SUMF1: variants seen among roughly 807,000 people sequenced by gnomAD.
SUMF1 encodes formylglycine-generating enzyme.
SUMF1 carries 48 observed loss-of-function variants against 47.6 expected under a neutral mutation model. That is an observed-to-expected ratio of 1.01 (90% confidence interval 0.80 to 1.28). The LOEUF is 1.28. Among genes scored for constraint, SUMF1 ranks in the 50% most tolerant of loss-of-function variants. The probability of loss-of-function intolerance (pLI) is 0.00; values close to 1 mark genes in which losing one functional copy is unlikely to be tolerated. For synonymous variants in SUMF1, 230 were observed against 192.1 expected (o/e 1.20, Z -1.63); for missense variants, 571 against 485.4 (o/e 1.18, Z -1.66).
chr3:4,092,711 T>A (rs1692814972), intron 8 of SUMF1, among the ~76,000 whole-genome samples: 1 of 152,112 alleles, frequency 6.6e-6, no homozygotes, highest in African/African-American at 2.4e-5. Flanking sequence ...GTAGTGTGTG[T>A]GTATATCGGG....
intron 8 of SUMF1, among the ~76,000 whole-genome samples, chr3:4,187,359 A>T (rs2125138965): frequency 6.6e-6 from 1 of 152,244 alleles, no homozygotes; most frequent in Non-Finnish European, 1.5e-5. Context: ...ACAGAGTGAG[A>T]CCCTGTCTAT....
At chr3:4,254,449 G>A (rs1387917809) in intron 8 of SUMF1, among the ~76,000 whole-genome samples, 2 of 150,418 alleles carry the variant, frequency 1.3e-5, no homozygotes, top group Non-Finnish European at 1.5e-5. Context: ...ACCAAGGCTC[G>A]AGAACTACGT....
chr3:4,151,283 T>A (rs1455186607), intron 8 of SUMF1, among the ~76,000 whole-genome samples: 1 of 149,180 alleles, frequency 6.7e-6, no homozygotes, highest in Non-Finnish European at 1.5e-5. Flanking sequence ...TTTATACATG[T>A]AAATATGGAG....
intron 8 of SUMF1, among the ~76,000 whole-genome samples, chr3:4,125,617 C>T (rs1693638523): frequency 6.6e-6 from 1 of 152,174 alleles, no homozygotes; most frequent in Non-Finnish European, 1.5e-5. Context: ...TTGTAACAGA[C>T]ATCTGTAACT....
In SUMF1 at chr3:4,298,439, G is replaced by T. The variant is rs189199588; in HGVS notation, c.1014+77891C>A. Among the ~76,000 whole-genome samples, 348 of 152,194 alleles carry T rather than the reference G, an allele frequency of 2.3e-3. 5 individuals carry two copies. Among genetic ancestry groups the T allele is most frequent in the Middle Eastern group, 3.4e-3 (1 of 294 alleles). ...AGATAAAAACAAATTAAACCAAAGG[G>T]CCAGCATGCACAAAATATCTTATTC... On this transcript the variant is annotated intron_variant and NMD_transcript_variant, in intron 8 of 12. Coordinates refer to the SUMF1 transcript ENST00000448413.
At chr3:4,083,664 A>G (rs1692613399) in intron 8 of SUMF1, among the ~76,000 whole-genome samples, 1 of 152,174 alleles carries the variant, frequency 6.6e-6, no homozygotes, top group African/African-American at 2.4e-5. Flanking sequence ...ATTTTAAAAC[A>G]TATATTTGAA....
intron 8 of SUMF1, among the ~76,000 whole-genome samples, chr3:4,142,984 T>A (rs1694105769): frequency 6.6e-6 from 1 of 152,052 alleles, no homozygotes. Context: ...GTGAAAGCAG[T>A]CACCTCCAAG....
chr3:4,123,494 C>T (rs574293930), intron 8 of SUMF1, among the ~76,000 whole-genome samples: 1 of 152,230 alleles, frequency 6.6e-6, no homozygotes, highest in Non-Finnish European at 1.5e-5. Flanking sequence ...AAGACATTTG[C>T]CCTAAAACAT....
chr3:4,455,078 C>A (rs1194444008), intron 1 of SUMF1, among the ~76,000 whole-genome samples: 1 of 152,052 alleles, frequency 6.6e-6, no homozygotes. Flanking sequence ...TATATGAATT[C>A]TATCTCAACT....
chr3:4,383,623 C>T (rs1700579280), intron 7 of SUMF1, among the ~76,000 whole-genome samples: 1 of 152,070 alleles, frequency 6.6e-6, no homozygotes, highest in East Asian at 1.9e-4. Context: ...CTGGCCAGAA[C>T]AATAATGTCA....
At chr3:4,328,466 T>G (rs1698988780) in intron 8 of SUMF1, among the ~76,000 whole-genome samples, 1 of 152,126 alleles carries the variant, frequency 6.6e-6, no homozygotes, top group Non-Finnish European at 1.5e-5. Flanking sequence ...CAATCATGGC[T>G]GAAGGCAAAG....
intron 8 of SUMF1, among the ~76,000 whole-genome samples, chr3:4,294,166 G>A (rs1697796785): frequency 6.6e-6 from 1 of 152,156 alleles, no homozygotes; most frequent in African/African-American, 2.4e-5. Flanking sequence ...TTTAAGTATA[G>A]TATCTAGGAA....
chr3:4,449,711 C>A (rs1575237537), intron 2 of SUMF1, among the ~76,000 whole-genome samples: 1 of 152,234 alleles, frequency 6.6e-6, no homozygotes, highest in Non-Finnish European at 1.5e-5. Context: ...TGTCCTGAAT[C>A]TAGCTAAACG....
chr3:4,453,695 G>A (rs949703428), intron 1 of SUMF1, among the ~76,000 whole-genome samples: 2 of 151,856 alleles, frequency 1.3e-5, no homozygotes, highest in Non-Finnish European at 2.9e-5. Flanking sequence ...CACCATGCCC[G>A]GCTAATTTTT....
chr3:4,092,603 T>A (rs1278695603), intron 8 of SUMF1, among the ~76,000 whole-genome samples: 1 of 152,162 alleles, frequency 6.6e-6, no homozygotes, highest in East Asian at 1.9e-4. Context: ...CTGCCTCCAA[T>A]CTTCTAAAGA....
intron 8 of SUMF1, among the ~76,000 whole-genome samples, chr3:4,297,757 T>C (rs1340699714): frequency 2.0e-5 from 3 of 152,082 alleles, no homozygotes; most frequent in Non-Finnish European, 2.9e-5. Context: ...CTAACAAATA[T>C]GTAAGTAATT....
intron 8 of SUMF1, among the ~76,000 whole-genome samples, chr3:4,080,977 A>G (rs959806580): frequency 6.6e-6 from 1 of 152,144 alleles, no homozygotes; most frequent in Non-Finnish European, 1.5e-5. Context: ...CAGTTTGCTC[A>G]ACTGAAAAAT....
intron 8 of SUMF1, among the ~76,000 whole-genome samples, chr3:4,257,581 A>G (rs1280860537): frequency 1.3e-5 from 2 of 150,684 alleles, no homozygotes; most frequent in Non-Finnish European, 3.0e-5. Context: ...TTCAAGGAGA[A>G]CTACAAACCA....
chr3:4,301,735 A>G (rs1697971049), intron 8 of SUMF1, among the ~76,000 whole-genome samples: 2 of 152,362 alleles, frequency 1.3e-5, no homozygotes, highest in South Asian at 4.1e-4. Flanking sequence ...AAGAAGAAAA[A>G]GCAAGACTGG....
Sources: gnomAD v4.1 joint callset for allele counts (sites outside exome capture counted in the v4.1 genomes callset) on GRCh38, gnomAD v4.1.1 for gene constraint, MANE v1.5 for transcripts, NCBI Gene and HGNC (gene_info 2026-07-23, HGNC 2026-07-21) for gene names.